The following P4HA2 variants were observed in gnomAD, a reference collection of about 807,000 sequenced individuals.
The protein encoded by P4HA2 is prolyl 4-hydroxylase subunit alpha-2.
A neutral mutation model predicts 76.9 loss-of-function variants in P4HA2; 46 were observed. The ratio of observed to expected loss-of-function variants is 0.60; its 90% CI spans 0.47 to 0.76. The LOEUF is 0.76. P4HA2 is among the 30% of genes least tolerant of loss of function. The probability of loss-of-function intolerance (pLI) is 0.00; values close to 1 mark genes in which losing one functional copy is unlikely to be tolerated. For missense variants in P4HA2, 583 were observed against 669.4 expected, an observed-to-expected ratio of 0.87 and a Z score of 1.42; for synonymous variants, 243 against 254.0, an observed-to-expected ratio of 0.96 and a Z score of 0.41.
intron 5 of P4HA2, among the ~76,000 whole-genome samples, chr5:132,213,225 G>T (rs994204390): frequency 6.6e-6 from 1 of 152,188 alleles, no homozygotes; most frequent in Non-Finnish European, 1.5e-5. Context: ...AACCTTGTTC[G>T]CTGGGTTTAC....
At chr5:132,211,205 G>A (rs1753040158) in intron 5 of P4HA2, among the ~76,000 whole-genome samples, 1 of 152,212 alleles carries the variant, frequency 6.6e-6, no homozygotes, top group African/African-American at 2.4e-5. Flanking sequence ...ATGACCAAAG[G>A]TCATCTGCTG....
At chr5:132,196,265 C>T (rs777005255) in intron 12 of P4HA2, among the ~76,000 whole-genome samples, 2 of 152,182 alleles carry the variant, frequency 1.3e-5, no homozygotes, top group Non-Finnish European at 2.9e-5. Context: ...AAGACAAAAG[C>T]TCTGATGGCT....
rs1270067048 is a variant in P4HA2 at position 132,190,867 on chromosome 5, C to T, written c.*2143G>A. 6.6e-6 allele frequency among the ~76,000 whole-genome samples: 1 copy of T among 152,112 alleles called. No individual in the cohort carries two copies. The highest frequency in any genetic ancestry group is 1.5e-5 in the Non-Finnish European group (1 of 68,040). ...GTATGAATAAGAACACTTGAAGAAA[C>T]CTAATAACTAATAAACATGAAAAGT... is the stretch of plus-strand genomic sequence containing the variant. On this transcript the variant is annotated 3_prime_UTR_variant, in exon 15 of 15. Coordinates refer to ENST00000360568, the MANE Select transcript of P4HA2 (RefSeq NM_001017974.2).
At position 132,203,863 on chromosome 5, in the gene P4HA2, A is replaced by G. The variant is rs757130999; in HGVS notation, c.1152-16T>C. On this transcript the variant is annotated splice_polypyrimidine_tract_variant and intron_variant, in intron 9 of 14. Coordinates refer to ENST00000360568, the MANE Select transcript of P4HA2 (RefSeq NM_001017974.2). ...TAGCCAGGAGCTGGGCAAAAAGAAA[A>G]GGGCAGAGAAAAGAAGACGGAAGGG... The G allele has an allele frequency of 8.2e-6, 13 of 1,589,124 alleles. No homozygotes were observed. The highest frequency in any genetic ancestry group is 6.6e-5 in the South Asian group (6 of 90,588).
Position 132,217,362 on chromosome 5 carries a change from G to A in P4HA2, c.180-14C>T, listed in dbSNP as rs1580735865. 2.5e-6 allele frequency: 4 copies of A among 1,613,886 alleles called. No homozygotes were observed. The East Asian group carries it at 8.9e-5, about 36-fold the overall frequency. On this transcript the variant is annotated splice_polypyrimidine_tract_variant and intron_variant, in intron 3 of 14. Transcript: ENST00000360568. ...TTGTTGGCCCAGCTGTGGAACCAGA[G>A]GAAAAGGAAGACTAATGCGTCCACC...
chr5:132,204,998 C>T (rs1752005656), intron 8 of P4HA2, among the ~76,000 whole-genome samples: 1 of 152,234 alleles, frequency 6.6e-6, no homozygotes, highest in Admixed American at 6.5e-5. Flanking sequence ...GCCATAGGCC[C>T]AGGTACTCCC....
intron 5 of P4HA2, among the ~76,000 whole-genome samples, chr5:132,212,209 C>T (rs564462142): frequency 3.3e-5 from 5 of 151,964 alleles, no homozygotes; most frequent in Admixed American, 1.3e-4. Context: ...CATGCAGGAC[C>T]CCAAAGACCA....
Position 132,217,859 on chromosome 5 carries a change from G to T in P4HA2, c.83-11C>A, listed in dbSNP as rs771777520. 3.9e-6 allele frequency: 6 copies of T among 1,546,822 alleles called. No individual in the cohort carries two copies. The highest frequency in any genetic ancestry group is 5.3e-6 in the Non-Finnish European group (6 of 1,124,070). The stretch of plus-strand genomic sequence containing the variant: ...GGTCAGTCATGTGCCCTGCAAGGGA[G>T]AGAAGAAAGACACCAGTGAGAAACA... On this transcript the variant is annotated splice_polypyrimidine_tract_variant and intron_variant, in intron 2 of 14. Transcript: ENST00000360568.
intron 8 of P4HA2, among the ~76,000 whole-genome samples, 182 bp from the exon 9 acceptor site, chr5:132,204,334 T>A (rs1751918036): frequency 6.6e-6 from 1 of 152,200 alleles, no homozygotes; most frequent in South Asian, 2.1e-4. Context: ...GTCTGAGGCC[T>A]CCACATTCCC....
intron 5 of P4HA2, among the ~76,000 whole-genome samples, chr5:132,211,411 C>A (rs1753065970): frequency 6.6e-6 from 1 of 152,156 alleles, no homozygotes; most frequent in South Asian, 2.1e-4. Flanking sequence ...AAGGAAGACT[C>A]CCCACAGCCC....
intron 8 of P4HA2, 150 bp downstream of exon 8, chr5:132,207,558 T>G (rs1004722189): frequency 1.6e-6 from 1 of 626,286 alleles, no homozygotes; most frequent in Non-Finnish European, 2.8e-6. Context: ...TCAGGCTGAG[T>G]CTGAAGCATC....
Position 132,198,119 on chromosome 5 carries a change from T to C in P4HA2, c.1365+202A>G. The C allele has an allele frequency of 3.8e-6, 6 of 1,581,004 alleles. No homozygotes were observed. The Admixed American group carries it at 8.9e-5, about 23-fold the overall frequency. ...GACCTGACCATTACTTAACAGCAGA[T>C]GAGATCAGCCCTGATGGGGGTGGGA... On this transcript the variant is annotated intron_variant, in intron 12 of 14. Transcript: ENST00000360568.
rs762449388 is a variant in P4HA2, at chr5:132,204,182, A to ATTTG, written c.1081-34_1081-31dup. 222 of 1,556,152 alleles carry ATTTG rather than the reference A, an allele frequency of 1.4e-4. 3 individuals are homozygous for ATTTG. In the South Asian group the frequency reaches 2.0e-3, roughly 14 times the overall value. On this transcript the variant is annotated intron_variant, in intron 8 of 14. Coordinates refer to ENST00000360568, the MANE Select transcript of P4HA2 (RefSeq NM_001017974.2). ...AAGGAAGGAGGAGAGGGAAGACTTG[A>ATTTG]TTTGTTTGTTTGTTTGTTTTGCCTT...
intron 3 of P4HA2, 50 bp from the exon 4 acceptor site, chr5:132,217,398 T>G: frequency 6.4e-7 from 1 of 1,574,430 alleles, no homozygotes; most frequent in Non-Finnish European, 8.7e-7. Flanking sequence ...CACATAGGTC[T>G]TGACCTGTGA....
At position 132,218,416 on chromosome 5, in the gene P4HA2, C is replaced by T. The variant is rs539697847; in HGVS notation, c.82+129G>A. On this transcript the variant is annotated intron_variant, in intron 2 of 14. Transcript: ENST00000360568. ...GAAAACAGCAACTCTGCCAGTTCCA[C>T]TCTCCTCAGAACTGGCCAAAACCAG... 1.5e-4 allele frequency: 88 copies of T among 588,934 alleles called. No individual in the cohort carries two copies. In the African/African-American group the frequency reaches 1.6e-3, roughly 11 times the overall value. The allele number at this position is 588,934 out of a possible 1,614,324, so 36.5% of individuals were successfully genotyped here. A position where few individuals can be genotyped will look rare whatever the true frequency, so the allele number is the denominator to read the frequency against.
At chr5:132,195,950 C>G (rs1332294418) in intron 12 of P4HA2, among the ~76,000 whole-genome samples, 1 of 152,202 alleles carries the variant, frequency 6.6e-6, no homozygotes, top group Non-Finnish European at 1.5e-5. Context: ...AGACCTTCAC[C>G]TTCCCAGAGT....
At position 132,213,950 on chromosome 5, in the gene P4HA2, C is replaced by T; in HGVS notation, c.435G>A (p.Leu145=). ...ALMRLQDTYR[L]DPGTISRGEL... ...CCCCTCTGGAAATTGTGCCTGGGTC[C>T]AGCCTGTATGTGTCCTGAAGTCTCA... The change falls in exon 5 of 15, where the codon CTG becomes CTA. Residue 145 remains leucine (L), a synonymous_variant. Coordinates refer to ENST00000360568, the MANE Select transcript of P4HA2 (RefSeq NM_001017974.2). The T allele has an allele frequency of 6.2e-7, 1 of 1,614,180 alleles. No individual in the cohort carries two copies. Among genetic ancestry groups the T allele is most frequent in the Non-Finnish European group, 8.5e-7 (1 of 1,180,000 alleles).
chr5:132,210,621 C>T, intron 5 of P4HA2, 98 bp from the exon 6 acceptor site: 2 of 1,159,174 alleles, frequency 1.7e-6, no homozygotes, highest in East Asian at 2.3e-5. Context: ...GGATAGGGGG[C>T]ATCACCAAGC....
Position 132,207,841 on chromosome 5 carries a change from C to T in P4HA2, c.947G>A (p.Gly316Asp). Residue 316 changes from glycine (G) to aspartate (D), a missense_variant, in exon 8 of 15, where the codon GGC becomes GAC. By Grantham distance (94) the Gly-to-Asp change is moderately conservative. Transcript: ENST00000360568. ...AATGAGCAGCTGTGGGGCCCTGTTG[C>T]CATGGTGGTACCTACAGAAAAGCCT... Reference protein sequence around the residue: ...QKRLFCRYHHGNRAPQLLIAP... With the variant: ...QKRLFCRYHHDNRAPQLLIAP... 6.2e-7 allele frequency: 1 copy of T among 1,604,522 alleles called. No individual in the cohort carries two copies. Among genetic ancestry groups the T allele is most frequent in the Non-Finnish European group, 8.5e-7 (1 of 1,175,586 alleles).
Sources: gnomAD v4.1 joint callset for allele counts (sites outside exome capture counted in the v4.1 genomes callset) on GRCh38, gnomAD v4.1.1 for gene constraint, MANE v1.5 for transcripts, NCBI Gene and HGNC (gene_info 2026-07-23, HGNC 2026-07-21) for gene names.